Variants in SEZ6L observed in about 807,000 individuals in gnomAD.
SEZ6L encodes seizure related 6 homolog like.
In SEZ6L, 37 loss-of-function variants were observed where a neutral mutation model predicts 106.2. The ratio of observed to expected loss-of-function variants is 0.35; its 90% CI spans 0.27 to 0.46. The LOEUF is 0.46. Among genes scored for constraint, SEZ6L ranks in the 20% least tolerant of loss-of-function variants. SEZ6L has a pLI of 1.00. For missense variants in SEZ6L, 1,172 were observed against 1,332.8 expected, an observed-to-expected ratio of 0.88 and a Z score of 1.88; for synonymous variants, 541 against 570.4, an observed-to-expected ratio of 0.95 and a Z score of 0.73.
rs569734847 is a variant in SEZ6L at position 26,266,763 on chromosome 22, C to T, written c.95-25643C>T. ...ACTTAGGGCAGAGACCAGGTCAGTT[C>T]TGTTTCTATTGTGTTCCCAATACCT... is the stretch of plus-strand genomic sequence containing the variant. On this transcript the variant is annotated intron_variant, in intron 1 of 16. Transcript: ENST00000248933. Among the ~76,000 whole-genome samples, 10 of 152,046 alleles carry T rather than the reference C, an allele frequency of 6.6e-5. 1 individual carries two copies. The South Asian group carries it at 1.9e-3, about 28-fold the overall frequency.
intron 1 of SEZ6L, among the ~76,000 whole-genome samples, chr22:26,276,591 A>G (rs895978985): frequency 5.3e-5 from 8 of 152,254 alleles, no homozygotes; most frequent in Admixed American, 5.2e-4. Flanking sequence ...AATTGAATGC[A>G]GATCGATTTC....
At chr22:26,310,273 C>T (rs6005002) in intron 6 of SEZ6L, among the ~76,000 whole-genome samples, 20 of 152,292 alleles carry the variant, frequency 1.3e-4, no homozygotes, top group Admixed American at 4.6e-4. Context: ...TGGTGGCTCA[C>T]GCCTGTAATC....
chr22:26,183,208 T>C (rs1045037006), intron 1 of SEZ6L, among the ~76,000 whole-genome samples: 3 of 152,236 alleles, frequency 2.0e-5, no homozygotes, highest in Admixed American at 1.3e-4. Context: ...TGTGACTCTT[T>C]TATTCTTTCA....
chr22:26,290,106 C>G (rs1569446118), intron 1 of SEZ6L, among the ~76,000 whole-genome samples: 1 of 152,226 alleles, frequency 6.6e-6, no homozygotes. Flanking sequence ...CCCCATTTGA[C>G]AGCTGAGGGA....
intron 12 of SEZ6L, among the ~76,000 whole-genome samples, chr22:26,352,957 A>G (rs1313063922): frequency 6.6e-6 from 1 of 152,232 alleles, no homozygotes; most frequent in African/African-American, 2.4e-5. Context: ...CAAAAGAATG[A>G]AGAGTTTTAG....
intron 9 of SEZ6L, among the ~76,000 whole-genome samples, chr22:26,333,961 G>T (rs998439602): frequency 1.3e-5 from 2 of 149,400 alleles, no homozygotes; most frequent in African/African-American, 4.9e-5. Flanking sequence ...AATGCAGTCT[G>T]GTTGGAGGTA....
At chr22:26,236,705 C>G (rs1226685471) in intron 1 of SEZ6L, among the ~76,000 whole-genome samples, 2 of 152,162 alleles carry the variant, frequency 1.3e-5, no homozygotes, top group African/African-American at 2.4e-5. Context: ...TTTGAAAACT[C>G]TAATGGAGAT....
At chr22:26,325,949 ACACAC>A (rs1244658409) in intron 9 of SEZ6L, among the ~76,000 whole-genome samples, 2 of 147,890 alleles carry the variant, frequency 1.4e-5, no homozygotes, top group African/African-American at 4.9e-5. Flanking sequence ...ACACACACAC[ACACAC>A]ATTGATCCCT....
chr22:26,201,382 CAAAAA>C (rs71192905), intron 1 of SEZ6L, among the ~76,000 whole-genome samples: 13 of 75,318 alleles, frequency 1.7e-4, no homozygotes, highest in African/African-American at 4.5e-4. Context: ...TACAAAAATA[CAAAAA>C]AAAAAAAAAA....
At chr22:26,349,311 G>A (rs1055743175) in intron 11 of SEZ6L, among the ~76,000 whole-genome samples, 3 of 152,178 alleles carry the variant, frequency 2.0e-5, no homozygotes, top group African/African-American at 7.2e-5. Flanking sequence ...TTAATCTCCT[G>A]TCTTGACATT....
chr22:26,324,064 CCACACACACACA>C (rs71311560), intron 9 of SEZ6L, among the ~76,000 whole-genome samples: 2,112 of 140,254 alleles, frequency 0.015, 45 homozygotes, highest in African/African-American at 0.052. Context: ...CAGTTTTTAA[CCACACACACACA>C]CACACACACA....
At chr22:26,246,801 T>C (rs990108169) in intron 1 of SEZ6L, among the ~76,000 whole-genome samples, 24 of 152,238 alleles carry the variant, frequency 1.6e-4, no homozygotes, top group African/African-American at 5.8e-4. Flanking sequence ...TTGCTGCTCT[T>C]AATTAGAGCT....
chr22:26,352,149 A>G (rs994888988), intron 12 of SEZ6L, among the ~76,000 whole-genome samples: 2 of 131,268 alleles, frequency 1.5e-5, no homozygotes, highest in Non-Finnish European at 3.2e-5. Context: ...TGGCACAGCG[A>G]GACCCTGCCT....
At chr22:26,195,281 C>T (rs949146336) in intron 1 of SEZ6L, among the ~76,000 whole-genome samples, 14 of 152,174 alleles carry the variant, frequency 9.2e-5, no homozygotes, top group African/African-American at 3.1e-4. Flanking sequence ...TGGTAAAACT[C>T]TTCAGAGTAT....
chr22:26,268,518 A>T (rs2080260120), intron 1 of SEZ6L, among the ~76,000 whole-genome samples: 2 of 152,228 alleles, frequency 1.3e-5, no homozygotes, highest in African/African-American at 4.8e-5. Flanking sequence ...GGGATCTAGC[A>T]CCTTAATCTG....
At chr22:26,273,663 G>A (rs563407085) in intron 1 of SEZ6L, among the ~76,000 whole-genome samples, 42 of 152,320 alleles carry the variant, frequency 2.8e-4, no homozygotes, top group African/African-American at 9.6e-4. Context: ...GATGCCCAGT[G>A]AGAACGTTGA....
At chr22:26,301,598 G>T (rs932095557) in intron 5 of SEZ6L, among the ~76,000 whole-genome samples, 1 of 152,338 alleles carries the variant, frequency 6.6e-6, no homozygotes, top group South Asian at 2.1e-4. Flanking sequence ...TGCAGAAAAG[G>T]TATACAGGAA....
At chr22:26,313,655 A>T (rs576913292) in intron 8 of SEZ6L, 109 bp from the exon 9 acceptor site, 58 of 1,337,924 alleles carry the variant, frequency 4.3e-5, no homozygotes, top group Admixed American at 7.1e-5. Context: ...TGTCCACAGT[A>T]CACAGAGATT....
At chr22:26,171,348 C>A (rs1192670503) in intron 1 of SEZ6L, among the ~76,000 whole-genome samples, 4 of 152,114 alleles carry the variant, frequency 2.6e-5, no homozygotes, top group Non-Finnish European at 5.9e-5. Context: ...GGCTTGGTGG[C>A]CTTGAACTGA....
Sources: allele counts gnomAD v4.1 joint callset (sites outside exome capture counted in the v4.1 genomes callset), GRCh38; gene constraint gnomAD v4.1.1; transcripts MANE v1.5; gene names NCBI Gene and HGNC (gene_info 2026-07-23, HGNC 2026-07-21).